Variants in TMEM71 observed in about 807,000 individuals in gnomAD.
TMEM71 encodes transmembrane protein 71.
TMEM71 carries 44 observed loss-of-function variants against 38.0 expected under a neutral mutation model. The observed-to-expected ratio is 1.16, with a 90% CI of 0.91 to 1.49. The LOEUF is 1.49. Ranked by LOEUF, TMEM71 falls within the 40% of genes most tolerant of loss-of-function variation. The probability of loss-of-function intolerance (pLI) is 0.00; values close to 1 mark genes in which losing one functional copy is unlikely to be tolerated. For synonymous variants in TMEM71, 133 were observed against 122.5 expected, an observed-to-expected ratio of 1.09 and a Z score of -0.56; for missense variants, 367 against 348.6, an observed-to-expected ratio of 1.05 and a Z score of -0.42.
At chr8:132,771,572 A>G in the TMEM71 span, among the ~76,000 whole-genome samples, 1 of 151,612 alleles carries the variant, frequency 6.6e-6, no homozygotes, top group South Asian at 2.1e-4. Context: ...AAAGTAATAT[A>G]TATTACTTCA....
intron 5 of TMEM71, among the ~76,000 whole-genome samples, chr8:132,730,909 G>A (rs552179929): frequency 1.3e-5 from 2 of 152,228 alleles, no homozygotes; most frequent in Admixed American, 1.3e-4. Flanking sequence ...TTGTGTGTGT[G>A]TGCATGTACA....
chr8:132,721,903 T>C (rs906682348), intron 7 of TMEM71, 137 bp downstream of exon 7: 72 of 775,034 alleles, frequency 9.3e-5, no homozygotes, highest in South Asian at 1.4e-4. Flanking sequence ...GGGAAACTTA[T>C]CATGGACAGA....
intron 4 of TMEM71, among the ~76,000 whole-genome samples, chr8:132,748,581 G>T (rs1461650232): frequency 2.6e-5 from 4 of 152,184 alleles, no homozygotes; most frequent in Admixed American, 2.6e-4. Context: ...ACACATTCTT[G>T]TGAAAATGAA....
chr8:132,715,127 G>T (rs937765002), intron 7 of TMEM71, among the ~76,000 whole-genome samples: 7 of 152,068 alleles, frequency 4.6e-5, no homozygotes, highest in African/African-American at 1.7e-4. Flanking sequence ...AAAGAGTGCA[G>T]CAGGGCGCGG....
chr8:132,740,551 T>C (rs999204907), intron 5 of TMEM71, among the ~76,000 whole-genome samples: 5 of 152,220 alleles, frequency 3.3e-5, no homozygotes, highest in African/African-American at 1.2e-4. Flanking sequence ...GGAACATCAT[T>C]GGCCCTCAAT....
intron 5 of TMEM71, among the ~76,000 whole-genome samples, chr8:132,735,092 T>G: frequency 6.6e-6 from 1 of 152,152 alleles, no homozygotes; most frequent in East Asian, 1.9e-4. Flanking sequence ...ATAGAGTCCA[T>G]CCTGTTCAGT....
At chr8:132,737,144 G>T (rs949457294) in intron 5 of TMEM71, among the ~76,000 whole-genome samples, 17 of 152,194 alleles carry the variant, frequency 1.1e-4, no homozygotes, top group Non-Finnish European at 7.4e-5. Context: ...TCTTTTTGGG[G>T]CTGATGGAAT....
rs540763948 is a variant in TMEM71 at position 132,725,391 on chromosome 8, C to T, written c.676+2407G>A. Among the ~76,000 whole-genome samples, 12 of 152,232 alleles carry T rather than the reference C, an allele frequency of 7.9e-5. No homozygotes were observed. The East Asian group carries it at 2.1e-3, about 27-fold the overall frequency. ...TGTCACCCAGGCTGGTCTGGTACAA[C>T]CTTTTAAAGAGTAACACAGACACAG... On this transcript the variant is annotated intron_variant, in intron 6 of 9. Transcript: ENST00000677595.
At chr8:132,759,980 T>C (rs1829240982) in intron 1 of TMEM71, among the ~76,000 whole-genome samples, 2 of 152,212 alleles carry the variant, frequency 1.3e-5, no homozygotes, top group South Asian at 4.1e-4. Flanking sequence ...AATATATTAG[T>C]ATGTTACTTG....
At chr8:132,742,355 A>T (rs1828091891) in intron 5 of TMEM71, among the ~76,000 whole-genome samples, 1 of 152,312 alleles carries the variant, frequency 6.6e-6, no homozygotes, top group East Asian at 1.9e-4. Flanking sequence ...AGCCTGGGTG[A>T]CAGAGCGAGA....
chr8:132,722,135 CAAATA>C lies in TMEM71; in HGVS notation c.677-25_677-21del. The stretch of plus-strand genomic sequence containing the variant: ...TGGTTTCTAATAGGAAGAACAAAAA[CAAATA>C]AATTAGAAATCATTGCTGATTCAAT... On this transcript the variant is annotated intron_variant, in intron 6 of 9. Coordinates refer to ENST00000677595, the MANE Select transcript of TMEM71 (RefSeq NM_001382403.1). 6.4e-7 allele frequency: 1 copy of C among 1,564,040 alleles called. No homozygotes were observed. Among genetic ancestry groups the C allele is most frequent in the African/African-American group, 1.4e-5 (1 of 70,796 alleles).
chr8:132,717,166 T>C (rs750774481), intron 7 of TMEM71, among the ~76,000 whole-genome samples: 3 of 152,126 alleles, frequency 2.0e-5, no homozygotes, highest in Non-Finnish European at 4.4e-5. Context: ...TTCATGACAT[T>C]GGATTTGGCA....
chr8:132,738,854 A>T (rs369298336), intron 5 of TMEM71, among the ~76,000 whole-genome samples: 2 of 78,194 alleles, frequency 2.6e-5, no homozygotes, highest in African/African-American at 7.6e-5. Flanking sequence ...ATCTAGTATT[A>T]CATGCACACA....
At chr8:132,736,658 C>T (rs1214225227) in intron 5 of TMEM71, among the ~76,000 whole-genome samples, 1 of 151,834 alleles carries the variant, frequency 6.6e-6, no homozygotes, top group Non-Finnish European at 1.5e-5. Context: ...GGTGAAACCC[C>T]ATCTCAACTG....
intron 5 of TMEM71, among the ~76,000 whole-genome samples, chr8:132,728,911 T>A (rs1827300002): frequency 6.6e-6 from 1 of 152,204 alleles, no homozygotes. Context: ...ATAAAATACA[T>A]TGAAATGCCT....
In TMEM71 at chr8:132,710,930, A is replaced by T. The variant is rs1486371962; in HGVS notation, c.*37T>A. 2.5e-5 allele frequency: 40 copies of T among 1,598,422 alleles called. No homozygotes were observed. The highest frequency in any genetic ancestry group is 3.3e-5 in the Non-Finnish European group (38 of 1,167,046). On this transcript the variant is annotated 3_prime_UTR_variant, in exon 10 of 10. Transcript: ENST00000677595. ...AGTTGGACAATTTCCAGATATTCAG[A>T]TGGAGGACATTCATCGAAGGCATTC...
chr8:132,717,915 A>G (rs1826621625), intron 7 of TMEM71, among the ~76,000 whole-genome samples: 1 of 152,242 alleles, frequency 6.6e-6, no homozygotes, highest in Admixed American at 6.5e-5. Context: ...CTTCCATAGA[A>G]AAGGATGAAG....
At chr8:132,728,021 T>A (rs1479700300) in intron 5 of TMEM71, 35 bp from the exon 6 acceptor site, 4 of 1,042,808 alleles carry the variant, frequency 3.8e-6, no homozygotes, top group Non-Finnish European at 5.1e-6. Flanking sequence ...TGAGTGTGTG[T>A]GTGTGTGTGT....
At chr8:132,754,010 G>T (rs1828871405) in intron 3 of TMEM71, among the ~76,000 whole-genome samples, 1 of 152,058 alleles carries the variant, frequency 6.6e-6, no homozygotes, top group African/African-American at 2.4e-5. Context: ...ATCTTTACAT[G>T]ACATGATGTA....
Sources: allele counts gnomAD v4.1 joint callset (sites outside exome capture counted in the v4.1 genomes callset), GRCh38; gene constraint gnomAD v4.1.1; transcripts MANE v1.5; gene names NCBI Gene and HGNC (gene_info 2026-07-23, HGNC 2026-07-21).